The following METTL25B variants were observed in gnomAD, a reference collection of about 807,000 sequenced individuals.
METTL25B encodes the protein methyltransferase like 25B, also known as methyltransferase-like protein 25B.
In METTL25B, 38 loss-of-function variants were observed where a neutral mutation model predicts 48.4. The observed-to-expected ratio is 0.78, with a 90% CI of 0.61 to 1.03. METTL25B has a LOEUF of 1.03. Among genes scored for constraint, METTL25B ranks in the 50% least tolerant of loss-of-function variants. The pLI, the probability that METTL25B is intolerant of heterozygous loss-of-function variation, is 0.00. For missense variants in METTL25B, 537 were observed against 603.7 expected (o/e 0.89, Z 1.16); for synonymous variants, 230 against 254.5 (o/e 0.90, Z 0.92).
intron 1 of METTL25B, 115 bp from the exon 2 acceptor site, chr1:156,731,876 C>T: frequency 8.1e-6 from 11 of 1,351,484 alleles, no homozygotes; most frequent in Non-Finnish European, 1.1e-5. Context: ...AGGCAGTGGC[C>T]CTATGTGGCA....
chr1:156,736,212 T>C (rs1649779702), intron 7 of METTL25B: 1 of 263,326 alleles, frequency 3.8e-6, no homozygotes, highest in African/African-American at 2.2e-5. Flanking sequence ...ATACAAAAAG[T>C]AGCCGGGTAT....
chr1:156,734,414 G>A lies in METTL25B; in HGVS notation c.1042G>A (p.Val348Ile), dbSNP rs770733388. 1.7e-5 allele frequency: 27 copies of A among 1,611,800 alleles called. No homozygotes were observed. The highest frequency in any genetic ancestry group is 2.3e-5 in the Non-Finnish European group (27 of 1,179,018). Residue 348 changes from valine to isoleucine, a missense_variant, in exon 6 of 8, where the codon GTC (valine) becomes ATC (isoleucine). Physicochemically the swap from Val to Ile is conservative, Grantham distance 29. Transcript: ENST00000368216. ...CTGCTACCGTGCAGCACTGGAGACA[G>A]TCATCCGACGGGCCCGGCCCGAGCT... ...THCYRAALETVIRRARPELRR... is the reference protein window; with the variant it reads ...THCYRAALETIIRRARPELRR...
intron 7 of METTL25B, 58 bp downstream of exon 7, chr1:156,735,967 C>A: frequency 1.4e-6 from 2 of 1,455,134 alleles, no homozygotes; most frequent in South Asian, 1.3e-5. Flanking sequence ...TCTGGGGCTC[C>A]TTCTCCAAGT....
chr1:156,734,551 A>G, intron 6 of METTL25B, 58 bp downstream of exon 6: 5 of 1,395,142 alleles, frequency 3.6e-6, no homozygotes, highest in African/African-American at 1.5e-5. Context: ...TTTTTTTTTG[A>G]GATGGAGTCT....
chr1:156,736,625 C>T lies in METTL25B; in HGVS notation c.1307-7C>T. Reference sequence around the variant, plus strand: ...TCTTCCCCTTATGATTAAGCCCTTTCTCCCAGGTTTCCATGCTGAGCTCCT... The same window carrying T: ...TCTTCCCCTTATGATTAAGCCCTTTTTCCCAGGTTTCCATGCTGAGCTCCT... On this transcript the variant is annotated splice_polypyrimidine_tract_variant and splice_region_variant and intron_variant, in intron 7 of 7. Coordinates refer to ENST00000368216, the MANE Select transcript of METTL25B (RefSeq NM_015997.4). 6.2e-7 allele frequency: 1 copy of T among 1,613,948 alleles called. No homozygotes were observed.
rs377227707 is a variant in METTL25B at position 156,732,291 on chromosome 1, G to A, written c.247G>A (p.Val83Met). The stretch of plus-strand genomic sequence containing the variant: ...GCTGGACTATCTCAGGTACAGGTCA[G>A]TGTGGCCACTCACCCTGCTGGCCCT... ...GEGEVVRYRS[V>M]WPLTLLALKS... The change falls in exon 3 of 8, where the codon GTG becomes ATG. Residue 83 changes from valine to methionine, a missense_variant. Val to Met is a conservative substitution (Grantham distance 21, BLOSUM62 1). Transcript: ENST00000368216. 3.7e-6 allele frequency: 6 copies of A among 1,614,104 alleles called. No homozygotes were observed. The African/African-American group carries it at 8.0e-5, about 22-fold the overall frequency.
intron 6 of METTL25B, among the ~76,000 whole-genome samples, chr1:156,734,827 G>A (rs998650915): frequency 1.7e-4 from 11 of 63,964 alleles, no homozygotes; most frequent in African/African-American, 4.0e-4. Flanking sequence ...CACCGCACCC[G>A]GCCTGGAGGG....
Position 156,729,409 on chromosome 1 carries a change from T to C in METTL25B, c.111+194T>C, listed in dbSNP as rs986964618. The C allele has an allele frequency of 1.2e-5, 6 of 482,588 alleles. No individual in the cohort carries two copies. In the Admixed American group the frequency reaches 1.3e-4, roughly 10 times the overall value. The allele number at this position is 482,588 out of a possible 1,614,324, so 29.9% of individuals were successfully genotyped here. On this transcript the variant is annotated intron_variant, in intron 1 of 7. Coordinates refer to ENST00000368216, the MANE Select transcript of METTL25B (RefSeq NM_015997.4). ...CAGCTGACATAAATAATATTTCTTT[T>C]TTTTTCTTTTTCTTTTTTTTTTTCT... is the stretch of plus-strand genomic sequence containing the variant.
In METTL25B at chr1:156,733,462, A is replaced by C. The variant is rs1398293416; in HGVS notation, c.578A>C (p.Gln193Pro). The change falls in exon 5 of 8, where the codon CAG (glutamine) becomes CCG (proline). Residue 193 changes from glutamine to proline, a missense_variant. Coordinates refer to ENST00000368216, the MANE Select transcript of METTL25B (RefSeq NM_015997.4). ...GATCAGAGACTGGTGGAGAGAGCCC[A>C]GCGCCTGGACCAGGAGCTTCTGCAG... The part of the protein sequence containing the change: ...EGDQRLVERA[Q>P]RLDQELLQAL... The C allele has an allele frequency of 6.2e-7, 1 of 1,614,038 alleles. No homozygotes were observed. The highest frequency in any genetic ancestry group is 2.2e-5 in the East Asian group (1 of 44,888).
At chr1:156,730,961 C>A (rs1412475520) in intron 1 of METTL25B, among the ~76,000 whole-genome samples, 1 of 152,218 alleles carries the variant, frequency 6.6e-6, no homozygotes, top group Admixed American at 6.5e-5. Context: ...ATTTTCTTTA[C>A]ATGCCTAGCA....
chr1:156,732,531 G>T, intron 3 of METTL25B, 58 bp downstream of exon 3: 1 of 1,555,608 alleles, frequency 6.4e-7, no homozygotes, highest in African/African-American at 1.4e-5. Context: ...CCTTAAGCCT[G>T]GCTTACAAAT....
chr1:156,729,090 C>T lies in METTL25B; in HGVS notation c.-15C>T. 2 of 1,552,066 alleles carry T rather than the reference C, an allele frequency of 1.3e-6. No homozygotes were observed. Among genetic ancestry groups the T allele is most frequent in the Non-Finnish European group, 8.8e-7 (1 of 1,131,566 alleles). The stretch of plus-strand genomic sequence containing the variant: ...ACTGCGTTCTCGCTCCCCGCGCTCC[C>T]TGCTGGACCCCGGGATGCCGGGCAT... On this transcript the variant is annotated 5_prime_UTR_variant, in exon 1 of 8. Coordinates refer to ENST00000368216, the MANE Select transcript of METTL25B (RefSeq NM_015997.4).
chr1:156,729,428 TTTTTC>T, intron 1 of METTL25B: 1 of 430,816 alleles, frequency 2.3e-6, no homozygotes. Flanking sequence ...TTTCTTTTTT[TTTTTC>T]TTTTTTTTTT....
chr1:156,729,611 C>T (rs951625178), intron 1 of METTL25B: 1 of 171,614 alleles, frequency 5.8e-6, no homozygotes, highest in Non-Finnish European at 1.2e-5. Flanking sequence ...ATGTTGAACT[C>T]TTCTTGGAGC....
intron 1 of METTL25B, 31 bp downstream of exon 1, chr1:156,729,246 T>G (rs1161393076): frequency 7.1e-7 from 1 of 1,403,068 alleles, no homozygotes; most frequent in Non-Finnish European, 1.0e-6. Flanking sequence ...GTGGGATGTC[T>G]CTGGTCGTGT....
chr1:156,732,964 C>A, intron 3 of METTL25B, 21 bp from the exon 4 acceptor site: 1 of 1,612,388 alleles, frequency 6.2e-7, no homozygotes, highest in Non-Finnish European at 8.5e-7. Flanking sequence ...GCTAGGAGAC[C>A]TTTGTTTCCT....
chr1:156,730,063 A>T (rs1482781042), intron 1 of METTL25B, among the ~76,000 whole-genome samples: 2 of 152,158 alleles, frequency 1.3e-5, no homozygotes, highest in East Asian at 3.8e-4. Context: ...TCTCTTCTGA[A>T]CTACTTCCTA....
chr1:156,731,765 A>G (rs1023834460), intron 1 of METTL25B, among the ~76,000 whole-genome samples: 24 of 152,226 alleles, frequency 1.6e-4, no homozygotes, highest in Non-Finnish European at 3.2e-4. Flanking sequence ...CCAGAATGCA[A>G]TCTGGACTCC....
intron 1 of METTL25B, 183 bp downstream of exon 1, chr1:156,729,398 A>C (rs951646310): frequency 8.3e-6 from 4 of 481,036 alleles, no homozygotes; most frequent in Non-Finnish European, 1.5e-5. Flanking sequence ...TGACATAAAT[A>C]ATATTTCTTT....
Sources: allele counts gnomAD v4.1 joint callset (sites outside exome capture counted in the v4.1 genomes callset), GRCh38; gene constraint gnomAD v4.1.1; transcripts MANE v1.5; gene names NCBI Gene and HGNC (gene_info 2026-07-23, HGNC 2026-07-21).